Variants in COL16A1 observed in about 807,000 individuals in gnomAD.
COL16A1 encodes collagen alpha-1(XVI) chain.
In COL16A1, 189 loss-of-function variants were observed where a neutral mutation model predicts 266.3. That is an observed-to-expected ratio of 0.71 (90% CI 0.63 to 0.80). COL16A1 has a LOEUF of 0.80. COL16A1 is among the 30% of genes least tolerant of loss of function. The probability of loss-of-function intolerance (pLI) is 0.00; values close to 1 mark genes in which losing one functional copy is unlikely to be tolerated. For synonymous variants in COL16A1, 740 were observed against 782.3 expected (o/e 0.95, Z 0.90); for missense variants, 1,928 against 2,122.4 (o/e 0.91, Z 1.80).
rs1641959555 is a variant in COL16A1 at position 31,664,489 on chromosome 1, A to G, written c.3555+683T>C. Among the ~76,000 whole-genome samples the G allele has an allele frequency of 6.6e-6, 1 of 152,142 alleles. No homozygotes were observed. The highest frequency in any genetic ancestry group is 2.4e-5 in the African/African-American group (1 of 41,434). ...CCCCCGACCCCAAGCTCAGAAGTCA[A>G]TCTTCGGGCTTCTTACACCACCCAC... On this transcript the variant is annotated intron_variant, in intron 56 of 70. Coordinates refer to ENST00000373672, the MANE Select transcript of COL16A1 (RefSeq NM_001856.4). The surrounding 1 kb of genome is among the most constrained non-coding windows in gnomAD (Gnocchi z 5.5).
intron 47 of COL16A1, among the ~76,000 whole-genome samples, chr1:31,672,215 G>A (rs1012750420): frequency 6.6e-6 from 1 of 152,180 alleles, no homozygotes; most frequent in Non-Finnish European, 1.5e-5. Flanking sequence ...TGCAGGCAGA[G>A]GATGCAGCTG....
rs2148674027 is a variant in COL16A1 at position 31,663,225 on chromosome 1, T to C, written c.3556-567A>G. On this transcript the variant is annotated intron_variant, in intron 56 of 70. Coordinates refer to ENST00000373672, the MANE Select transcript of COL16A1 (RefSeq NM_001856.4). This position sits in a 1 kb window ranked among gnomAD's most constrained non-coding sequence, Gnocchi z 4.9. ...CACAACCAGGGGCAATACAACAGTC[T>C]AAGTGTTCTGTGTGGAAAGGGGCTC... 6.4e-6 allele frequency: 1 copy of C among 156,442 alleles called. No homozygotes were observed. The highest frequency in any genetic ancestry group is 6.1e-5 in the Admixed American group (1 of 16,284). The allele number at this position is 156,442 out of a possible 1,614,324, so 9.7% of individuals were successfully genotyped here.
At position 31,690,531 on chromosome 1, in the gene COL16A1, G is replaced by T; in HGVS notation, c.1480C>A (p.Pro494Thr). Residue 494 changes from proline (P) to threonine (T), a missense_variant and splice_region_variant, in exon 21 of 71, where the codon CCT becomes ACT. By Grantham distance (38) the Pro-to-Thr change is conservative (BLOSUM62 -1). Coordinates refer to ENST00000373672, the MANE Select transcript of COL16A1 (RefSeq NM_001856.4). ...CCCGCTGGATTGGTGTCACTCACAG[G>T]TTTCCCACCAGGGCCTTCCTTTCCT... ...IPGKEGPGGK[P>T]GKPGVKGEKG... The T allele has an allele frequency of 8.7e-6, 14 of 1,613,958 alleles. No individual in the cohort carries two copies. Among genetic ancestry groups the T allele is most frequent in the Non-Finnish European group, 1.2e-5 (14 of 1,179,908 alleles).
At chr1:31,653,798 C>T (rs373492908) in intron 69 of COL16A1, 69 bp downstream of exon 69, 2 of 1,574,242 alleles carry the variant, frequency 1.3e-6, no homozygotes, top group Non-Finnish European at 1.7e-6. Context: ...TCACAACAGA[C>T]CTCATGGAAT....
intron 34 of COL16A1, 138 bp downstream of exon 34, chr1:31,683,569 G>T: frequency 6.3e-7 from 1 of 1,575,014 alleles, no homozygotes; most frequent in South Asian, 1.2e-5. Context: ...CCAGGGCTGC[G>T]GCCTGATCCC....
chr1:31,694,560 G>A (rs2148817671), intron 11 of COL16A1, among the ~76,000 whole-genome samples: 1 of 152,300 alleles, frequency 6.6e-6, no homozygotes, highest in Non-Finnish European at 1.5e-5. Flanking sequence ...CAAAGTCAGG[G>A]GGCTTAGAGC....
At chr1:31,676,864 T>C (rs1338316784) in intron 42 of COL16A1, among the ~76,000 whole-genome samples, 1 of 152,202 alleles carries the variant, frequency 6.6e-6, no homozygotes, top group Non-Finnish European at 1.5e-5. Flanking sequence ...CAGGATTTCC[T>C]TGGCGCACTC....
chr1:31,683,598 C>T, intron 34 of COL16A1, 109 bp downstream of exon 34: 1 of 1,602,432 alleles, frequency 6.2e-7, no homozygotes, highest in Non-Finnish European at 8.5e-7. Flanking sequence ...GAACTAAGTC[C>T]TGTGCCTCTG....
chr1:31,676,580 A>G (rs890671890), intron 42 of COL16A1, among the ~76,000 whole-genome samples: 5 of 151,966 alleles, frequency 3.3e-5, no homozygotes, highest in Non-Finnish European at 5.9e-5. Context: ...TATTTGGGGG[A>G]AAAAAATTCT....
chr1:31,670,691 C>T lies in COL16A1; in HGVS notation c.3151-45G>A. 7.1e-7 allele frequency: 1 copy of T among 1,403,220 alleles called. No homozygotes were observed. The highest frequency in any genetic ancestry group is 1.8e-4 in the Middle Eastern group (1 of 5,566). 86.9% of individuals were successfully genotyped at this position (1,403,220 alleles called of 1,614,324 possible). ...GGTCACATCTCACAGGCACAGTAACCCTGGGACAGCCTGGAGGGCACAGTC... is the reference window on the plus strand; with the variant it reads ...GGTCACATCTCACAGGCACAGTAACTCTGGGACAGCCTGGAGGGCACAGTC... On this transcript the variant is annotated intron_variant, in intron 48 of 70. Transcript: ENST00000373672. The surrounding 1 kb of genome is among the most constrained non-coding windows in gnomAD (Gnocchi z 4.5).
At position 31,692,086 on chromosome 1, in the gene COL16A1, G is replaced by C; in HGVS notation, c.1195-19C>G. The C allele has an allele frequency of 1.2e-6, 2 of 1,613,458 alleles. No homozygotes were observed. Among genetic ancestry groups the C allele is most frequent in the Non-Finnish European group, 1.7e-6 (2 of 1,179,994 alleles). ...TCTGGCCCTGGGGAAGGAAGAAGCA[G>C]AGTGACCAGGATGAGGGAAGGGCCT... On this transcript the variant is annotated intron_variant, in intron 16 of 70. Transcript: ENST00000373672.
rs761548608 is a variant in COL16A1, at chr1:31,672,597, C to T, written c.3017G>A (p.Arg1006Gln). The change falls in exon 46 of 71, where the codon CGG (arginine) becomes CAG (glutamine). Residue 1006 changes from arginine to glutamine, a missense_variant and splice_region_variant. By Grantham distance (43) the Arg-to-Gln change is conservative. Transcript: ENST00000373672. ...SLERPRAEEA[R>Q]GDNSEGDPGC... ...GGGGAGATAAGGCGAGGCACTCACC[C>T]GGGCCTCCTCGGCTCTTGGGCGCTC... 60 of 1,606,406 alleles carry T rather than the reference C, an allele frequency of 3.7e-5. No homozygotes were observed. Among genetic ancestry groups the T allele is most frequent in the African/African-American group, 5.4e-5 (4 of 74,764 alleles).
Position 31,670,671 on chromosome 1 carries a change from C to T in COL16A1, c.3151-25G>A, listed in dbSNP as rs902473596. ...CCTGGTGGGAGAAACAGGCAGGTCA[C>T]ATCTCACAGGCACAGTAACCCTGGG... On this transcript the variant is annotated intron_variant, in intron 48 of 70. Transcript: ENST00000373672. The surrounding 1 kb of genome is among the most constrained non-coding windows in gnomAD (Gnocchi z 4.5). 7.0e-7 allele frequency: 1 copy of T among 1,432,824 alleles called. No individual in the cohort carries two copies. The highest frequency in any genetic ancestry group is 3.7e-5 in the Admixed American group (1 of 26,834). The allele number at this position is 1,432,824 out of a possible 1,614,324, so 88.8% of individuals were successfully genotyped here.
Position 31,691,174 on chromosome 1 carries a change from C to T in COL16A1, c.1437+14G>A. ...TGGAGCTCCCCACGTGACCACACTCCCACCTATGCTCACCTTGTCTCCCTT... is the reference window on the plus strand; with the variant it reads ...TGGAGCTCCCCACGTGACCACACTCTCACCTATGCTCACCTTGTCTCCCTT... On this transcript the variant is annotated intron_variant, in intron 20 of 70. Transcript: ENST00000373672. 1.9e-6 allele frequency: 3 copies of T among 1,613,320 alleles called. No individual in the cohort carries two copies. The highest frequency in any genetic ancestry group is 1.7e-6 in the Non-Finnish European group (2 of 1,179,644).
intron 62 of COL16A1, 128 bp from the exon 63 acceptor site, chr1:31,659,092 G>A (rs1436875562): frequency 1.5e-5 from 13 of 873,826 alleles, no homozygotes; most frequent in East Asian, 1.4e-4. Context: ...ACCTTCCTTC[G>A]CTCTGGTCTT....
intron 35 of COL16A1, 41 bp from the exon 36 acceptor site, chr1:31,683,288 T>C: frequency 6.2e-7 from 1 of 1,614,150 alleles, no homozygotes; most frequent in Admixed American, 1.7e-5. Context: ...TATCCTAGAA[T>C]GGCCCCCTCC....
intron 16 of COL16A1, 50 bp from the exon 17 acceptor site, chr1:31,692,117 A>G (rs1327990356): frequency 2.5e-6 from 4 of 1,611,990 alleles, no homozygotes; most frequent in Non-Finnish European, 2.5e-6. Flanking sequence ...GGCCTGGGAC[A>G]GCTGGGCAGC....
chr1:31,681,493 A>G, intron 37 of COL16A1, among the ~76,000 whole-genome samples: 1 of 152,194 alleles, frequency 6.6e-6, no homozygotes, highest in East Asian at 1.9e-4. Context: ...CAAAAGTTAC[A>G]TCTGTTGACC....
rs1643942453 is a variant in COL16A1, at chr1:31,685,789, G to A, written c.1885-19C>T. On this transcript the variant is annotated intron_variant, in intron 28 of 70. Coordinates refer to ENST00000373672, the MANE Select transcript of COL16A1 (RefSeq NM_001856.4). This position sits in a 1 kb window ranked among gnomAD's most constrained non-coding sequence, Gnocchi z 4.0. ...GCTCCCCCTGCCAAGCAAGGACATTGAGTTAGGGGGTCCCCCAGGCCCTAG... is the reference window on the plus strand; with the variant it reads ...GCTCCCCCTGCCAAGCAAGGACATTAAGTTAGGGGGTCCCCCAGGCCCTAG... 8 of 1,612,520 alleles carry A rather than the reference G, an allele frequency of 5.0e-6. No individual in the cohort carries two copies. In the African/African-American group the frequency reaches 9.3e-5, roughly 19 times the overall value.
Sources: gnomAD v4.1 joint callset for allele counts (sites outside exome capture counted in the v4.1 genomes callset) on GRCh38, gnomAD v4.1.1 for gene constraint, Gnocchi (gnomAD v3.1) non-coding constraint, MANE v1.5 for transcripts, NCBI Gene and HGNC (gene_info 2026-07-23, HGNC 2026-07-21) for gene names.